RNF212B: variants seen among roughly 807,000 people sequenced by gnomAD.
RNF212B encodes the protein ring finger protein 212B, also known as E3 ubiquitin-protein ligase RNF212B.
Under a neutral mutation model 55.5 loss-of-function variants are expected in RNF212B, and 52 were observed. The observed-to-expected ratio is 0.94, with a 90% CI of 0.75 to 1.18. The LOEUF (loss-of-function observed/expected upper bound fraction) is 1.18. Among genes scored for constraint, RNF212B ranks in the 50% most tolerant of loss-of-function variants. The probability of loss-of-function intolerance (pLI) is 0.00; values close to 1 mark genes in which losing one functional copy is unlikely to be tolerated. For missense variants in RNF212B, 289 were observed against 350.4 expected (o/e 0.82, Z 1.40); for synonymous variants, 99 against 121.4 (o/e 0.82, Z 1.21).
intron 2 of RNF212B, among the ~76,000 whole-genome samples, chr14:23,210,348 G>A (rs1159010466): frequency 6.6e-6 from 1 of 152,214 alleles, no homozygotes; most frequent in Non-Finnish European, 1.5e-5. Context: ...ACAATGAAAC[G>A]CAGTGCGGTA....
Sources: gnomAD v4.1 joint callset for allele counts (sites outside exome capture counted in the v4.1 genomes callset) on GRCh38, gnomAD v4.1.1 for gene constraint, MANE v1.5 for transcripts, NCBI Gene and HGNC (gene_info 2026-07-23, HGNC 2026-07-21) for gene names.